Variants in SSH2 observed in about 807,000 individuals in gnomAD.
The protein encoded by SSH2 is protein phosphatase Slingshot homolog 2.
In SSH2, 37 loss-of-function variants were observed where a neutral mutation model predicts 135.2. The ratio of observed to expected loss-of-function variants is 0.27; its 90% CI spans 0.21 to 0.36. SSH2 has a LOEUF of 0.36. Among genes scored for constraint, SSH2 ranks in the 10% least tolerant of loss-of-function variants. The pLI, the probability that SSH2 is intolerant of heterozygous loss-of-function variation, is 1.00. For synonymous variants in SSH2, 628 were observed against 646.2 expected (o/e 0.97, Z 0.43); for missense variants, 1,408 against 1,765.3 (o/e 0.80, Z 3.63).
intron 3 of SSH2, among the ~76,000 whole-genome samples, chr17:29,746,908 C>T (rs900909506): frequency 6.6e-6 from 1 of 152,152 alleles, no homozygotes; most frequent in African/African-American, 2.4e-5. Flanking sequence ...TAAAGTGTTG[C>T]TTAAGTTGCA....
intron 15 of SSH2, among the ~76,000 whole-genome samples, chr17:29,635,659 T>C (rs748518756): frequency 3.5e-4 from 53 of 152,152 alleles, no homozygotes; most frequent in Middle Eastern, 3.4e-3. Context: ...CCGCCCGCCT[T>C]GGCCTCCCAA....
chr17:29,711,863 A>G (rs894236171), intron 3 of SSH2, among the ~76,000 whole-genome samples: 2 of 152,282 alleles, frequency 1.3e-5, no homozygotes, highest in Non-Finnish European at 2.9e-5. Flanking sequence ...TCTTCCCTGA[A>G]TGACTTTAGC....
In SSH2 at chr17:29,632,068, G is replaced by T; in HGVS notation, c.3126C>A (p.Thr1042=). Residue 1042 remains threonine, a synonymous_variant, in exon 16 of 16, where the codon ACC becomes ACA. Transcript: ENST00000540801. ...TGTGATTGGGTGATGTAACTATGTG[G>T]GTATATTCAATGATTTCTACCCTCT... ...LPKRVEIIEY[T]HIVTSPNHTG... 6.2e-7 allele frequency: 1 copy of T among 1,614,180 alleles called. No individual in the cohort carries two copies. The highest frequency in any genetic ancestry group is 8.5e-7 in the Non-Finnish European group (1 of 1,180,024).
intron 2 of SSH2, among the ~76,000 whole-genome samples, chr17:29,806,616 C>T (rs1438728392): frequency 1.3e-5 from 2 of 152,216 alleles, no homozygotes; most frequent in African/African-American, 4.8e-5. Flanking sequence ...CCTGGAGCCC[C>T]TCTGAGTGTG....
chr17:29,795,396 C>A (rs2151306670), intron 2 of SSH2, among the ~76,000 whole-genome samples: 1 of 152,156 alleles, frequency 6.6e-6, no homozygotes, highest in Middle Eastern at 3.4e-3. Flanking sequence ...AAAGGAAGAA[C>A]AAAACAAAGA....
chr17:29,652,203 A>T (rs2036605592), intron 12 of SSH2, among the ~76,000 whole-genome samples: 1 of 152,176 alleles, frequency 6.6e-6, no homozygotes, highest in African/African-American at 2.4e-5. Context: ...CCCAAGGGTA[A>T]ACACAAAATT....
At chr17:29,731,193 A>G (rs1239483383) in intron 3 of SSH2, among the ~76,000 whole-genome samples, 2 of 152,208 alleles carry the variant, frequency 1.3e-5, no homozygotes, top group African/African-American at 4.8e-5. Context: ...TGGAATAGAC[A>G]GGTGACCTGG....
At chr17:29,692,968 T>C (rs1321497399) in intron 5 of SSH2, among the ~76,000 whole-genome samples, 1 of 152,216 alleles carries the variant, frequency 6.6e-6, no homozygotes, top group African/African-American at 2.4e-5. Flanking sequence ...CAGATGATGA[T>C]GATGATTATT....
intron 1 of SSH2, among the ~76,000 whole-genome samples, chr17:29,862,531 T>C (rs111369012): frequency 0.011 from 1,724 of 152,250 alleles, 32 homozygotes; most frequent in African/African-American, 0.039. Context: ...TTAATAGTAA[T>C]AGTAGCAACA....
chr17:29,792,361 T>C (rs890676602), intron 3 of SSH2, among the ~76,000 whole-genome samples: 1 of 152,190 alleles, frequency 6.6e-6, no homozygotes, highest in African/African-American at 2.4e-5. Context: ...AATCTGACCT[T>C]CTAGAAAATA....
intron 11 of SSH2, among the ~76,000 whole-genome samples, chr17:29,657,951 C>A (rs570823587): frequency 6.6e-6 from 1 of 150,742 alleles, no homozygotes; most frequent in Non-Finnish European, 1.5e-5. Context: ...ATTGACATAT[C>A]GACATTTTTG....
intron 12 of SSH2, among the ~76,000 whole-genome samples, chr17:29,652,695 T>A (rs1245302996): frequency 6.6e-6 from 1 of 152,172 alleles, no homozygotes; most frequent in Non-Finnish European, 1.5e-5. Context: ...GCTTGCTCTG[T>A]CGCCCAGATC....
intron 2 of SSH2, among the ~76,000 whole-genome samples, chr17:29,833,150 G>C (rs2042877346): frequency 6.6e-6 from 1 of 152,166 alleles, no homozygotes; most frequent in Non-Finnish European, 1.5e-5. Flanking sequence ...TTGATTTTCT[G>C]TCTGGATGAT....
chr17:29,894,496 GATTA>G (rs1213262043), intron 1 of SSH2, among the ~76,000 whole-genome samples: 1 of 151,990 alleles, frequency 6.6e-6, no homozygotes, highest in Non-Finnish European at 1.5e-5. Context: ...ATCATCTCTA[GATTA>G]CTTACGATAC....
At chr17:29,914,911 G>A (rs953052180) in intron 1 of SSH2, among the ~76,000 whole-genome samples, 2 of 151,996 alleles carry the variant, frequency 1.3e-5, no homozygotes, top group South Asian at 4.2e-4. Flanking sequence ...ATATATATTT[G>A]ACAAATATAT....
At chr17:29,868,764 C>T (rs1439706726) in intron 1 of SSH2, among the ~76,000 whole-genome samples, 1 of 151,700 alleles carries the variant, frequency 6.6e-6, no homozygotes, top group Non-Finnish European at 1.5e-5. Flanking sequence ...ACTCAGTTCC[C>T]ACCAGGAAAT....
chr17:29,820,457 C>A (rs1391816440), intron 2 of SSH2, among the ~76,000 whole-genome samples: 1 of 152,154 alleles, frequency 6.6e-6, no homozygotes, highest in African/African-American at 2.4e-5. Flanking sequence ...TAAAACAGAT[C>A]GAGTCCTTGC....
rs747102601 is a variant in SSH2, at chr17:29,631,593, C to T, written c.3601G>A (p.Val1201Met). 2 of 1,614,174 alleles carry T rather than the reference C, an allele frequency of 1.2e-6. No homozygotes were observed. The highest frequency in any genetic ancestry group is 1.7e-5 in the Admixed American group (1 of 60,028). Residue 1201 changes from valine to methionine, a missense_variant, in exon 16 of 16, where the codon GTG (valine) becomes ATG (methionine). Coordinates refer to ENST00000540801, the MANE Select transcript of SSH2 (RefSeq NM_001282129.2). The stretch of plus-strand genomic sequence containing the variant: ...CTTAGCTGGGAGTCCTTATATGGCA[C>T]CTCACTGCCACTGGAGAGAGGGCTC... ...QESPLSSGSE[V>M]PYKDSQLSSA...
Position 29,626,210 on chromosome 17 carries a change from G to T in SSH2, c.*4631C>A, listed in dbSNP as rs1344188303. Reference sequence around the variant, plus strand: ...AAAGTTTGGGGTGGCTTGGGGCAAAGGTAACAGTCAGAGGAGAGTCTTCTG... The same window carrying T: ...AAAGTTTGGGGTGGCTTGGGGCAAATGTAACAGTCAGAGGAGAGTCTTCTG... On this transcript the variant is annotated 3_prime_UTR_variant, in exon 16 of 16. Transcript: ENST00000540801. 3 of 151,974 alleles carry T rather than the reference G, an allele frequency of 2.0e-5. No individual in the cohort carries two copies. In the East Asian group the frequency reaches 5.8e-4, roughly 29 times the overall value. 9.4% of individuals were successfully genotyped at this position (151,974 alleles called of 1,614,324 possible). A position where few individuals can be genotyped will look rare whatever the true frequency, so the allele number is the denominator to read the frequency against.
Sources: allele counts gnomAD v4.1 joint callset (sites outside exome capture counted in the v4.1 genomes callset), GRCh38; gene constraint gnomAD v4.1.1; transcripts MANE v1.5; gene names NCBI Gene and HGNC (gene_info 2026-07-23, HGNC 2026-07-21).